ANXA13: variants seen among roughly 807,000 people sequenced by gnomAD.
ANXA13 encodes the protein annexin A13.
A neutral mutation model predicts 46.6 loss-of-function variants in ANXA13; 36 were observed. The ratio of observed to expected loss-of-function variants is 0.77; its 90% CI spans 0.59 to 1.02. ANXA13 has a LOEUF of 1.02. ANXA13 is among the 50% of genes least tolerant of loss of function. The pLI is 0.00. For missense variants in ANXA13, 417 were observed against 396.5 expected, an observed-to-expected ratio of 1.05 and a Z score of -0.44; for synonymous variants, 163 against 152.9, an observed-to-expected ratio of 1.07 and a Z score of -0.49.
At chr8:123,728,612 G>A (rs972525132) in intron 1 of ANXA13, 17 of 152,318 alleles carry the variant, frequency 1.1e-4, no homozygotes, top group South Asian at 1.0e-3. Context: ...GGGGCTGAGC[G>A]GGGCCTTCAT....
chr8:123,730,862 G>T (rs1814104042), intron 1 of ANXA13, among the ~76,000 whole-genome samples: 1 of 152,268 alleles, frequency 6.6e-6, no homozygotes, highest in South Asian at 2.1e-4. Context: ...CCCTGGGTGG[G>T]GTGGGGAAAT....
At chr8:123,682,802 A>T (rs543300224) in intron 10 of ANXA13, among the ~76,000 whole-genome samples, 54 of 152,280 alleles carry the variant, frequency 3.5e-4, no homozygotes, top group Admixed American at 9.2e-4. Context: ...AAACTACTAT[A>T]TCTAGCCAGG....
chr8:123,684,745 G>T (rs1813107308), intron 9 of ANXA13, 23 bp from the exon 10 acceptor site: 2 of 1,551,482 alleles, frequency 1.3e-6, no homozygotes, highest in African/African-American at 1.4e-5. Context: ...AAGGAAAAGA[G>T]AATGTGAGGC....
chr8:123,681,797 G>T (rs1813045182), intron 10 of ANXA13, among the ~76,000 whole-genome samples: 1 of 151,742 alleles, frequency 6.6e-6, no homozygotes, highest in South Asian at 2.1e-4. Flanking sequence ...ATTTTTTTCT[G>T]TATTTTTAGT....
chr8:123,735,688 GC>G (rs1814245847), intron 1 of ANXA13: 10 of 1,473,378 alleles, frequency 6.8e-6, no homozygotes, highest in Non-Finnish European at 8.1e-6. Flanking sequence ...ATCACTGGGG[GC>G]TCATATTGGC....
chr8:123,727,516 T>A (rs1457895392), intron 1 of ANXA13, among the ~76,000 whole-genome samples: 1 of 151,968 alleles, frequency 6.6e-6, no homozygotes, highest in African/African-American at 2.4e-5. Context: ...CAGGAGACAA[T>A]TGGCAATGTC....
chr8:123,737,156 C>T (rs964640652), intron 1 of ANXA13, among the ~76,000 whole-genome samples, 164 bp downstream of exon 1: 5 of 152,072 alleles, frequency 3.3e-5, no homozygotes, highest in Non-Finnish European at 7.4e-5. Context: ...CCACCGCACC[C>T]GGCCTCAATG....
chr8:123,681,619 CTTTTTTTT>C (rs5894670), intron 10 of ANXA13, among the ~76,000 whole-genome samples: 27 of 107,014 alleles, frequency 2.5e-4, no homozygotes, highest in African/African-American at 8.4e-4. Context: ...TCTTGAATTT[CTTTTTTTT>C]TTTTTTTTTT....
chr8:123,727,963 T>C (rs1814033749), intron 1 of ANXA13: 1 of 152,104 alleles, frequency 6.6e-6, no homozygotes, highest in African/African-American at 2.4e-5. Flanking sequence ...TGAGATAAGG[T>C]AACTAGGAGG....
At chr8:123,702,839 G>T in intron 2 of ANXA13, 103 bp from the exon 3 acceptor site, 2 of 1,032,374 alleles carry the variant, frequency 1.9e-6, no homozygotes, top group Non-Finnish European at 3.0e-6. Flanking sequence ...CTTAAAGGTG[G>T]TTGGAGGTGT....
chr8:123,706,774 C>T (rs535324750), intron 2 of ANXA13, among the ~76,000 whole-genome samples: 2 of 152,210 alleles, frequency 1.3e-5, no homozygotes, highest in East Asian at 3.9e-4. Context: ...TGCAGGGGGG[C>T]CTATGGGGCC....
intron 1 of ANXA13, among the ~76,000 whole-genome samples, chr8:123,733,489 C>A (rs185156504): frequency 2.0e-5 from 3 of 152,266 alleles, no homozygotes; most frequent in Non-Finnish European, 4.4e-5. Context: ...TTCACCTTGC[C>A]TGGTGTTCAC....
At chr8:123,696,301 T>C (rs1813335396) in intron 4 of ANXA13, among the ~76,000 whole-genome samples, 1 of 152,148 alleles carries the variant, frequency 6.6e-6, no homozygotes. Context: ...AAATATTCCA[T>C]ACTACAATAA....
At chr8:123,737,088 T>C (rs1177616281) in intron 1 of ANXA13, among the ~76,000 whole-genome samples, 1 of 151,876 alleles carries the variant, frequency 6.6e-6, no homozygotes, top group East Asian at 1.9e-4. Flanking sequence ...CTCAAACTCC[T>C]GACCTCAAGT....
chr8:123,693,247 C>T lies in ANXA13; in HGVS notation c.592G>A (p.Ala198Thr). ...TDELAFNEVL[A>T]KRSYKQLRAT... Reference sequence around the variant, plus strand: ...CGTAACTGCTTGTAGCTCCTCTTGGCCAGGACTTCATTGAACGCAAGCTCA... The same window carrying T: ...CGTAACTGCTTGTAGCTCCTCTTGGTCAGGACTTCATTGAACGCAAGCTCA... Residue 198 changes from alanine to threonine, a missense_variant, in exon 8 of 11, where the codon GCC becomes ACC. Coordinates refer to ENST00000419625, the MANE Select transcript of ANXA13 (RefSeq NM_004306.4). 1 of 1,614,134 alleles carries T rather than the reference C, an allele frequency of 6.2e-7. No individual in the cohort carries two copies. Among genetic ancestry groups the T allele is most frequent in the South Asian group, 1.1e-5 (1 of 91,072 alleles).
At chr8:123,688,977 C>A in intron 8 of ANXA13, 31 bp from the exon 9 acceptor site, 1 of 1,609,360 alleles carries the variant, frequency 6.2e-7, no homozygotes, top group South Asian at 1.1e-5. Flanking sequence ...AACTGTTATT[C>A]CAGGTTTGCC....
rs1813034574 is a variant in ANXA13 at position 123,681,377 on chromosome 8, G to C, written c.832-18C>G. 6.2e-7 allele frequency: 1 copy of C among 1,610,406 alleles called. No individual in the cohort carries two copies. Among genetic ancestry groups the C allele is most frequent in the African/African-American group, 1.3e-5 (1 of 74,752 alleles). On this transcript the variant is annotated intron_variant, in intron 10 of 10. Transcript: ENST00000419625. Reference sequence around the variant, plus strand: ...AGGTCCACCTGTAGAAAAAATAACAGCAATGGAGATAAGAACGTTTATGGT... The same window carrying C: ...AGGTCCACCTGTAGAAAAAATAACACCAATGGAGATAAGAACGTTTATGGT...
chr8:123,721,419 T>C (rs934872546), intron 1 of ANXA13, among the ~76,000 whole-genome samples: 11 of 152,202 alleles, frequency 7.2e-5, no homozygotes, highest in Non-Finnish European at 1.6e-4. Context: ...ATCTGAAAGA[T>C]GGTAATAATA....
At chr8:123,731,260 C>T (rs747589288) in intron 1 of ANXA13, among the ~76,000 whole-genome samples, 3 of 152,120 alleles carry the variant, frequency 2.0e-5, no homozygotes, top group Non-Finnish European at 1.5e-5. Flanking sequence ...GAATACCTGA[C>T]GTTAGACTCG....
Sources: gnomAD v4.1 joint callset for allele counts (sites outside exome capture counted in the v4.1 genomes callset) on GRCh38, gnomAD v4.1.1 for gene constraint, MANE v1.5 for transcripts, NCBI Gene and HGNC (gene_info 2026-07-23, HGNC 2026-07-21) for gene names.